The following ARL2 variants were observed in gnomAD, a reference collection of about 807,000 sequenced individuals.
ARL2 encodes the protein ARF like GTPase 2.
Under a neutral mutation model 22.0 loss-of-function variants are expected in ARL2, and 11 were observed. The observed-to-expected ratio is 0.50, with a 90% CI of 0.31 to 0.83. ARL2 has a LOEUF of 0.83. ARL2 is among the 40% of genes least tolerant of loss of function. The pLI is 0.04. For synonymous variants in ARL2, 111 were observed against 100.8 expected (o/e 1.10, Z -0.61); for missense variants, 216 against 243.2 (o/e 0.89, Z 0.74).
Position 65,021,949 on chromosome 11 carries a change from C to T in ARL2, c.*94C>T, listed in dbSNP as rs1946333647. ...GTTGGGAGTCAGCCGGCCAAACTAACACTCCCCCTCCTCCACCCCAGCCTG... is the reference window on the plus strand; with the variant it reads ...GTTGGGAGTCAGCCGGCCAAACTAATACTCCCCCTCCTCCACCCCAGCCTG... On this transcript the variant is annotated 3_prime_UTR_variant, in exon 5 of 5. Transcript: ENST00000246747. The T allele has an allele frequency of 1.3e-6, 2 of 1,498,114 alleles. No individual in the cohort carries two copies. Among genetic ancestry groups the T allele is most frequent in the Admixed American group, 3.7e-5 (2 of 53,412 alleles). The allele number at this position is 1,498,114 out of a possible 1,614,324, so 92.8% of individuals were successfully genotyped here. A position where few individuals can be genotyped will look rare whatever the true frequency, so the allele number is the denominator to read the frequency against.
Position 65,022,055 on chromosome 11 carries a change from G to T in ARL2, c.*200G>T. ...GGGCTGTGCCCTGGCTGTCTCTCTG[G>T]CTCCTGACCTGGCCTTTGGCTACCA... On this transcript the variant is annotated 3_prime_UTR_variant, in exon 5 of 5. Coordinates refer to ENST00000246747, the MANE Select transcript of ARL2 (RefSeq NM_001667.4). 1 of 735,262 alleles carries T rather than the reference G, an allele frequency of 1.4e-6. No homozygotes were observed. The allele number at this position is 735,262 out of a possible 1,614,324, so 45.5% of individuals were successfully genotyped here.
Position 65,014,198 on chromosome 11 carries a change from T to G in ARL2, c.-10T>G. On this transcript the variant is annotated 5_prime_UTR_variant, in exon 1 of 5. Transcript: ENST00000246747. ...GAAGAAACGGCGGCCGGGAGGGGGC[T>G]CCGGGGACCATGGGGCTCCTGACCA... is the stretch of plus-strand genomic sequence containing the variant. 1 of 1,562,578 alleles carries G rather than the reference T, an allele frequency of 6.4e-7. No individual in the cohort carries two copies. The highest frequency in any genetic ancestry group is 1.4e-5 in the African/African-American group (1 of 70,676).
rs1249125074 is a variant in ARL2, at chr11:65,018,903, C to G, written c.339+170C>G. On this transcript the variant is annotated intron_variant, in intron 3 of 4. Coordinates refer to ENST00000246747, the MANE Select transcript of ARL2 (RefSeq NM_001667.4). This position sits in a 1 kb window ranked among gnomAD's most constrained non-coding sequence, Gnocchi z 4.2. The stretch of plus-strand genomic sequence containing the variant: ...CCAGAGGCAGGACACATGCTGTGGA[C>G]TGAGATTGAGTTAACGTCCCTGTGG... 4 of 1,533,968 alleles carry G rather than the reference C, an allele frequency of 2.6e-6. No homozygotes were observed. The Admixed American group carries it at 7.8e-5, about 30-fold the overall frequency.
Position 65,018,178 on chromosome 11 carries a change from C to T in ARL2, c.66-186C>T, listed in dbSNP as rs1005626260. On this transcript the variant is annotated intron_variant, in intron 1 of 4. Transcript: ENST00000246747. The surrounding 1 kb of genome is among the most constrained non-coding windows in gnomAD (Gnocchi z 4.2). ...GTAGGTGTTCAACAAATTAAGGAGC[C>T]TTTGGTCAGTAGAGATGATATTTAT... 2.0e-5 allele frequency among the ~76,000 whole-genome samples: 3 copies of T among 152,178 alleles called. No individual in the cohort carries two copies. The highest frequency in any genetic ancestry group is 2.9e-5 in the Non-Finnish European group (2 of 68,046).
rs1946222890 is a variant in ARL2, at chr11:65,014,395, A to G, written c.65+123A>G. On this transcript the variant is annotated intron_variant, in intron 1 of 4. Coordinates refer to ENST00000246747, the MANE Select transcript of ARL2 (RefSeq NM_001667.4). ...CGTCCCAACTGCCCCTGGCGTCACC[A>G]CGCGGGCCCCATCAATCGCCCCGTC... is the stretch of plus-strand genomic sequence containing the variant. The G allele has an allele frequency of 3.9e-6, 3 of 760,430 alleles. No individual in the cohort carries two copies. The South Asian group carries it at 6.3e-5, about 16-fold the overall frequency. 47.1% of individuals were successfully genotyped at this position (760,430 alleles called of 1,614,324 possible).
intron 1 of ARL2, among the ~76,000 whole-genome samples, chr11:65,015,996 A>C (rs1414312245): frequency 6.6e-6 from 1 of 152,064 alleles, no homozygotes. Context: ...GCCTGATGTC[A>C]GGAGTTTTGA....
Position 65,014,264 on chromosome 11 carries a change from G to C in ARL2, c.57G>C (p.Leu19=), listed in dbSNP as rs753679803. The part of the protein sequence containing the change: ...KMKQKERELR[L]LMLGLDNAGK... ...AGCAGAAAGAGCGGGAGCTGCGACT[G>C]CTCATGCTGTATCCTACCGGACGCC... is the stretch of plus-strand genomic sequence containing the variant. The change falls in exon 1 of 5, where the codon CTG becomes CTC. Residue 19 remains leucine (L), a synonymous_variant. Transcript: ENST00000246747. 6.4e-7 allele frequency: 1 copy of C among 1,569,886 alleles called. No homozygotes were observed.
Position 65,021,990 on chromosome 11 carries a change from C to T in ARL2, c.*135C>T. ...CCCCAGCCTGCTGCTGCTACTGCTG[C>T]CCGCTGCTGCTCTGTGGCCACCCGG... On this transcript the variant is annotated 3_prime_UTR_variant, in exon 5 of 5. Transcript: ENST00000246747. 7.6e-7 allele frequency: 1 copy of T among 1,319,964 alleles called. No individual in the cohort carries two copies. The highest frequency in any genetic ancestry group is 1.0e-6 in the Non-Finnish European group (1 of 970,046). The allele number at this position is 1,319,964 out of a possible 1,614,324, so 81.8% of individuals were successfully genotyped here.
At position 65,018,233 on chromosome 11, in the gene ARL2, C is replaced by A; in HGVS notation, c.66-131C>A. The stretch of plus-strand genomic sequence containing the variant: ...TGATACTTTCATATTTATTGTGGGC[C>A]GATTATGGTCAGGCATGTGCTCAAC... On this transcript the variant is annotated intron_variant, in intron 1 of 4. Transcript: ENST00000246747. The surrounding 1 kb of genome is among the most constrained non-coding windows in gnomAD (Gnocchi z 4.2). The A allele has an allele frequency of 1.5e-6, 1 of 673,476 alleles. No individual in the cohort carries two copies. The highest frequency in any genetic ancestry group is 2.5e-6 in the Non-Finnish European group (1 of 397,334). The allele number at this position is 673,476 out of a possible 1,614,324, so 41.7% of individuals were successfully genotyped here.
intron 4 of ARL2, 104 bp downstream of exon 4, chr11:65,020,603 T>C (rs1378875970): frequency 2.5e-6 from 3 of 1,199,486 alleles, no homozygotes; most frequent in Non-Finnish European, 3.5e-6. Flanking sequence ...GTGCAGTGGC[T>C]CACGCCTGTA....
intron 4 of ARL2, 170 bp downstream of exon 4, chr11:65,020,669 G>A: frequency 1.7e-6 from 1 of 605,972 alleles, no homozygotes; most frequent in South Asian, 2.0e-5. Flanking sequence ...AGGAGTTCGA[G>A]ACCAGCCTGA....
At chr11:65,019,821 G>A (rs987631212) in intron 3 of ARL2, among the ~76,000 whole-genome samples, 1 of 152,236 alleles carries the variant, frequency 6.6e-6, no homozygotes, top group Non-Finnish European at 1.5e-5. Flanking sequence ...TGCAGGCAGA[G>A]TGGGGACTGT....
intron 1 of ARL2, among the ~76,000 whole-genome samples, chr11:65,017,291 G>C: frequency 6.6e-6 from 1 of 151,676 alleles, no homozygotes; most frequent in Non-Finnish European, 1.5e-5. Flanking sequence ...TGCCTGCCGG[G>C]TTCAAGCAAT....
chr11:65,015,206 C>T (rs1356866282), intron 1 of ARL2, among the ~76,000 whole-genome samples: 8 of 152,112 alleles, frequency 5.3e-5, no homozygotes, highest in Non-Finnish European at 8.8e-5. Context: ...CTCCGCCCCC[C>T]GAGTTCAAGC....
rs553173862 is a variant in ARL2 at position 65,016,282 on chromosome 11, A to G, written c.65+2010A>G. On this transcript the variant is annotated intron_variant, in intron 1 of 4. Coordinates refer to ENST00000246747, the MANE Select transcript of ARL2 (RefSeq NM_001667.4). ...ATATAGCAATTCGGGGGGGGGGGAA[A>G]CTTTAAAGCAAAGGGAACAGCAAGT... 9.1e-3 allele frequency among the ~76,000 whole-genome samples: 1,344 copies of G among 148,000 alleles called. 9 individuals are homozygous for G. Among genetic ancestry groups the G allele is most frequent in the Non-Finnish European group, 0.014 (946 of 67,132 alleles).
In ARL2 at chr11:65,020,022, G is replaced by A. The variant is rs145523046; in HGVS notation, c.340-397G>A. On this transcript the variant is annotated intron_variant, in intron 3 of 4. Coordinates refer to ENST00000246747, the MANE Select transcript of ARL2 (RefSeq NM_001667.4). Reference sequence around the variant, plus strand: ...CAGTGAGGCCTGTCGGGAGTGGAACGGTTAAAGGGCTGTGTGAACCCAGAA... The same window carrying A: ...CAGTGAGGCCTGTCGGGAGTGGAACAGTTAAAGGGCTGTGTGAACCCAGAA... Among the ~76,000 whole-genome samples the A allele has an allele frequency of 8.7e-3, 1,323 of 152,316 alleles. 28 individuals carry two copies. Among genetic ancestry groups the A allele is most frequent in the African/African-American group, 0.03 (1,267 of 41,562 alleles).
At chr11:65,019,722 A>C (rs1445534378) in intron 3 of ARL2, 1 of 152,738 alleles carries the variant, frequency 6.5e-6, no homozygotes, top group Non-Finnish European at 1.5e-5. Flanking sequence ...TTCCACTAAT[A>C]TACTTTTTGT....
Position 65,018,628 on chromosome 11 carries a change from G to A in ARL2, c.234G>A (p.Arg78=), listed in dbSNP as rs1172533243. Residue 78 remains arginine, a synonymous_variant, in exon 3 of 5, where the codon CGG becomes CGA. Coordinates refer to ENST00000246747, the MANE Select transcript of ARL2 (RefSeq NM_001667.4). The surrounding 1 kb of genome is among the most constrained non-coding windows in gnomAD (Gnocchi z 4.2). ...GGQKSLRSYW[R]NYFESTDGLI... is the part of the protein sequence containing the mutation. Reference sequence around the variant, plus strand: ...AGAAGTCCCTGCGGTCCTACTGGCGGAACTACTTTGAGAGCACCGATGGCC... The same window carrying A: ...AGAAGTCCCTGCGGTCCTACTGGCGAAACTACTTTGAGAGCACCGATGGCC... 1.2e-6 allele frequency: 2 copies of A among 1,613,922 alleles called. No individual in the cohort carries two copies. The highest frequency in any genetic ancestry group is 1.1e-5 in the South Asian group (1 of 91,026).
rs1455366219 is a variant in ARL2 at position 65,021,973 on chromosome 11, TGCTGCTGCTACTGCTGCCC to T, written c.*128_*146del. On this transcript the variant is annotated 3_prime_UTR_variant, in exon 5 of 5. Coordinates refer to ENST00000246747, the MANE Select transcript of ARL2 (RefSeq NM_001667.4). ...ACACTCCCCCTCCTCCACCCCAGCC[TGCTGCTGCTACTGCTGCCC>T]GCTGCTGCTCTGTGGCCACCCGGCT... 4 of 1,400,054 alleles carry T rather than the reference TGCTGCTGCTACTGCTGCCC, an allele frequency of 2.9e-6. No homozygotes were observed. The highest frequency in any genetic ancestry group is 3.9e-6 in the Non-Finnish European group (4 of 1,037,796). The allele number at this position is 1,400,054 out of a possible 1,614,324, so 86.7% of individuals were successfully genotyped here.
Sources: gnomAD v4.1 joint callset for allele counts (sites outside exome capture counted in the v4.1 genomes callset) on GRCh38, gnomAD v4.1.1 for gene constraint, Gnocchi (gnomAD v3.1) non-coding constraint, MANE v1.5 for transcripts, NCBI Gene and HGNC (gene_info 2026-07-23, HGNC 2026-07-21) for gene names.